The following RIMS2 variants were observed in gnomAD, a reference collection of about 807,000 sequenced individuals.
The protein encoded by RIMS2 is regulating synaptic membrane exocytosis 2.
RIMS2 carries 59 observed loss-of-function variants against 174.4 expected under a neutral mutation model. The observed-to-expected ratio is 0.34, with a 90% CI of 0.27 to 0.42. RIMS2 has a LOEUF of 0.42. RIMS2 is among the 10% of genes least tolerant of loss of function. The probability of loss-of-function intolerance (pLI) is 1.00; values close to 1 mark genes in which losing one functional copy is unlikely to be tolerated. For synonymous variants in RIMS2, 606 were observed against 572.5 expected, an observed-to-expected ratio of 1.06 and a Z score of -0.84; for missense variants, 1,620 against 1,666.3, an observed-to-expected ratio of 0.97 and a Z score of 0.48.
At chr8:103,694,786 T>C (rs1410926625) in intron 1 of RIMS2, among the ~76,000 whole-genome samples, 1 of 152,140 alleles carries the variant, frequency 6.6e-6, no homozygotes, top group Non-Finnish European at 1.5e-5. Flanking sequence ...TGATACTGGG[T>C]TGTGCCTGAA....
intron 12 of RIMS2, 52 bp downstream of exon 14, chr8:103,931,445 C>A: frequency 7.8e-7 from 1 of 1,274,908 alleles, no homozygotes; most frequent in Non-Finnish European, 1.1e-6. Context: ...AGAAAATGTT[C>A]ATAGCAATGG....
intron 19 of RIMS2, among the ~76,000 whole-genome samples, chr8:104,049,193 C>G (rs983857594): frequency 6.6e-5 from 10 of 150,770 alleles, no homozygotes; most frequent in Non-Finnish European, 1.2e-4. Flanking sequence ...GAGGCCGAGG[C>G]GGGTGGATCA....
At chr8:103,750,730 T>C (rs957425771) in intron 2 of RIMS2, among the ~76,000 whole-genome samples, 4 of 152,148 alleles carry the variant, frequency 2.6e-5, no homozygotes, top group African/African-American at 9.7e-5. Flanking sequence ...GCATTTCCCC[T>C]GCTGGCACTC....
At chr8:103,755,524 T>C (rs980287323) in intron 2 of RIMS2, among the ~76,000 whole-genome samples, 1 of 152,224 alleles carries the variant, frequency 6.6e-6, no homozygotes, top group African/African-American at 2.4e-5. Context: ...TGAAGAGTGT[T>C]TTCCAGCTTG....
chr8:104,226,377 T>C (rs1308404298), intron 19 of RIMS2, among the ~76,000 whole-genome samples: 1 of 152,206 alleles, frequency 6.6e-6, no homozygotes, highest in Non-Finnish European at 1.5e-5. Context: ...CATTCTCTTC[T>C]TGTACAGCGT....
intron 4 of RIMS2, among the ~76,000 whole-genome samples, chr8:103,895,774 T>C (rs1433935327): frequency 6.6e-6 from 1 of 151,594 alleles, no homozygotes; most frequent in Non-Finnish European, 1.5e-5. Context: ...ATGTTTTCTT[T>C]TTTCTTTTCC....
intron 2 of RIMS2, among the ~76,000 whole-genome samples, chr8:103,703,282 G>A (rs190632210): frequency 1.0e-3 from 155 of 152,190 alleles, no homozygotes; most frequent in South Asian, 6.4e-3. Flanking sequence ...CTTTTGCCCA[G>A]GCTGGAGTGC....
At chr8:103,909,608 TAGG>T (rs2075245524) in intron 4 of RIMS2, among the ~76,000 whole-genome samples, 1 of 152,104 alleles carries the variant, frequency 6.6e-6, no homozygotes, top group South Asian at 2.1e-4. Context: ...ACAAATTTCT[TAGG>T]AGGTTTTAGC....
At chr8:103,794,543 A>G (rs1325432454) in intron 3 of RIMS2, among the ~76,000 whole-genome samples, 1 of 152,218 alleles carries the variant, frequency 6.6e-6, no homozygotes, top group East Asian at 1.9e-4. Context: ...CATGACTAAA[A>G]CACCAATGGC....
chr8:104,066,069 T>A (rs1486002021), intron 19 of RIMS2, among the ~76,000 whole-genome samples: 1 of 152,336 alleles, frequency 6.6e-6, no homozygotes, highest in African/African-American at 2.4e-5. Flanking sequence ...ACTCACTGCC[T>A]GTTTTGTAAA....
chr8:104,011,644 T>G (rs114451003), intron 17 of RIMS2, among the ~76,000 whole-genome samples: 1,608 of 152,126 alleles, frequency 0.011, 34 homozygotes, highest in African/African-American at 0.037. Flanking sequence ...CACTTTCCAC[T>G]TGGAAAAATT....
chr8:104,182,447 T>A (rs142411444), intron 19 of RIMS2, among the ~76,000 whole-genome samples: 222 of 151,948 alleles, frequency 1.5e-3, no homozygotes, highest in African/African-American at 5.1e-3. Context: ...CTCAGAGATA[T>A]GTACAACCAT....
At chr8:104,249,528 G>C in exon 22 of RIMS2, 1 of 1,612,598 alleles carries the variant, frequency 6.2e-7, no homozygotes, top group South Asian at 1.1e-5. Context: ...GGGACAGCTG[G>C]AGGTAGAAAT....
intron 15 of RIMS2, among the ~76,000 whole-genome samples, chr8:103,974,197 A>T (rs1350208734): frequency 1.3e-5 from 2 of 152,170 alleles, no homozygotes; most frequent in Non-Finnish European, 2.9e-5. Flanking sequence ...GTACAGGTGA[A>T]TCCTTGTTTC....
chr8:103,886,537 A>T (rs907681384), intron 4 of RIMS2, among the ~76,000 whole-genome samples: 5 of 151,880 alleles, frequency 3.3e-5, no homozygotes, highest in Non-Finnish European at 1.5e-5. Context: ...AATAACATTT[A>T]TTTTTTGTCT....
chr8:104,223,761 C>A (rs1453682642), intron 19 of RIMS2: 1 of 1,596,000 alleles, frequency 6.3e-7, no homozygotes, highest in Non-Finnish European at 8.5e-7. Flanking sequence ...GGCTACTTTC[C>A]CTGCATGAAC....
chr8:103,587,453 AAAGAAAGAAAGAAAG>A, intron 1 of RIMS2, among the ~76,000 whole-genome samples: 1 of 121,052 alleles, frequency 8.3e-6, no homozygotes, highest in Non-Finnish European at 1.8e-5. Context: ...AGAAAGAAAG[AAAGAAAGAAAGAAAG>A]AAACTATGCA....
intron 4 of RIMS2, among the ~76,000 whole-genome samples, chr8:103,891,074 C>A (rs2099242055): frequency 6.6e-6 from 1 of 151,994 alleles, no homozygotes; most frequent in Non-Finnish European, 1.5e-5. Flanking sequence ...TTCACCATCT[C>A]CAACTCTCGT....
At chr8:103,875,817 G>A (rs2099133660) in intron 3 of RIMS2, among the ~76,000 whole-genome samples, 1 of 152,038 alleles carries the variant, frequency 6.6e-6, no homozygotes, top group South Asian at 2.1e-4. Context: ...ACTGGGGTAA[G>A]ATGGTATCTC....
Sources: allele counts gnomAD v4.1 joint callset (sites outside exome capture counted in the v4.1 genomes callset), GRCh38; gene constraint gnomAD v4.1.1; transcripts MANE v1.5; gene names NCBI Gene and HGNC (gene_info 2026-07-23, HGNC 2026-07-21).